PPP2R1B: variants seen among roughly 807,000 people sequenced by gnomAD.
PPP2R1B encodes the protein protein phosphatase 2 scaffold subunit Abeta.
In PPP2R1B, 58 loss-of-function variants were observed where a neutral mutation model predicts 72.7. The ratio of observed to expected loss-of-function variants is 0.80; its 90% CI spans 0.65 to 0.99. The LOEUF (loss-of-function observed/expected upper bound fraction) is 0.99. Ranked by LOEUF, PPP2R1B falls within the 50% of genes least tolerant of loss-of-function variation. The pLI is 0.00. For synonymous variants in PPP2R1B, 256 were observed against 264.6 expected (o/e 0.97, Z 0.32); for missense variants, 695 against 733.6 (o/e 0.95, Z 0.61).
the PPP2R1B span, among the ~76,000 whole-genome samples, chr11:111,715,699 C>T: frequency 1.6e-3 from 247 of 151,192 alleles, 2 homozygotes; most frequent in South Asian, 9.0e-3. Flanking sequence ...AGGGCAGATG[C>T]ATAAACCTTG....
In PPP2R1B at chr11:111,742,751, T is replaced by C. The variant is rs372024080; in HGVS notation, c.1555-86A>G. 7.7e-5 allele frequency: 96 copies of C among 1,249,414 alleles called. No homozygotes were observed. In the East Asian group the frequency reaches 1.4e-3, roughly 18 times the overall value. The allele number at this position is 1,249,414 out of a possible 1,614,324, so 77.4% of individuals were successfully genotyped here. A position where few individuals can be genotyped will look rare whatever the true frequency, so the allele number is the denominator to read the frequency against. ...AACAAATTAATATTTAATAAGAAAA[T>C]AATTGACCAATAGGAAAATATTTCT... On this transcript the variant is annotated intron_variant, in intron 12 of 14. Transcript: ENST00000527614.
At chr11:111,700,838 A>G in the PPP2R1B span, 4 of 1,605,638 alleles carry the variant, frequency 2.5e-6, no homozygotes, top group East Asian at 2.2e-5. Flanking sequence ...GAAATGCAGT[A>G]TAGTTTGAGA....
intron 3 of PPP2R1B, among the ~76,000 whole-genome samples, chr11:111,761,821 T>A (rs1470895098): frequency 7.9e-5 from 12 of 152,008 alleles, no homozygotes; most frequent in Non-Finnish European, 2.9e-5. Flanking sequence ...TAGCCAGACA[T>A]GGTGGCACAC....
chr11:111,725,960 G>A (rs1943951497), downstream of PPP2R1B: 1 of 152,232 alleles, frequency 6.6e-6, no homozygotes, highest in Admixed American at 6.5e-5. Context: ...GAAAATCCAG[G>A]AAGAATGAAT....
the PPP2R1B span, among the ~76,000 whole-genome samples, chr11:111,692,350 CAAAAAAAAAAAAAAAAAAAAAAA>C: frequency 1.5e-3 from 41 of 26,488 alleles, no homozygotes; most frequent in African/African-American, 2.7e-3. Flanking sequence ...GACTCAGTCT[CAAAAAAAAAAAAAAAAAAAAAAA>C]AAAAAAAAAA....
chr11:111,726,572 A>G (rs1006603713), downstream of PPP2R1B: 13 of 195,840 alleles, frequency 6.6e-5, no homozygotes, highest in Non-Finnish European at 6.3e-5. Flanking sequence ...CTCTGTATTG[A>G]CTGCAATGTA....
Position 111,741,381 on chromosome 11 carries a change from G to A in PPP2R1B, c.*215C>T, listed in dbSNP as rs988417373. On this transcript the variant is annotated 3_prime_UTR_variant, in exon 15 of 15. Transcript: ENST00000527614. ...GTGTCAGGAATTGGTCAATAAGAAC[G>A]GCTTAAATAATGATTTAACAAGGAA... The A allele has an allele frequency of 4.0e-5, 56 of 1,382,884 alleles. 1 individual carries two copies. Among genetic ancestry groups the A allele is most frequent in the Non-Finnish European group, 3.5e-5 (37 of 1,072,030 alleles). The allele number at this position is 1,382,884 out of a possible 1,614,324, so 85.7% of individuals were successfully genotyped here. A position where few individuals can be genotyped will look rare whatever the true frequency, so the allele number is the denominator to read the frequency against.
chr11:111,705,101 C>T, the PPP2R1B span: 2 of 1,604,324 alleles, frequency 1.2e-6, no homozygotes, highest in Non-Finnish European at 1.7e-6. This position sits in a 1 kb window ranked among gnomAD's most constrained non-coding sequence, Gnocchi z 4.3. Flanking sequence ...TGGCCGCCAG[C>T]GTCGGCCTAG....
intron 11 of PPP2R1B, among the ~76,000 whole-genome samples, chr11:111,743,931 T>A (rs942827989): frequency 6.6e-5 from 10 of 152,176 alleles, no homozygotes; most frequent in Admixed American, 2.6e-4. Context: ...CTGTGAGGGT[T>A]GTAGCAGTGC....
chr11:111,688,088 G>T, the PPP2R1B span: 6 of 1,613,998 alleles, frequency 3.7e-6, no homozygotes, highest in African/African-American at 6.7e-5. This position sits in a 1 kb window ranked among gnomAD's most constrained non-coding sequence, Gnocchi z 4.2. Flanking sequence ...TATTGTCATG[G>T]TCGGAAGATT....
At chr11:111,737,459 C>A, downstream of PPP2R1B, 1 of 1,614,268 alleles carries the variant, frequency 6.2e-7, no homozygotes, top group Non-Finnish European at 8.5e-7. Context: ...TTCCCCATGT[C>A]CTCTCCAGGC....
chr11:111,706,613 C>A, the PPP2R1B span, among the ~76,000 whole-genome samples: 1 of 152,124 alleles, frequency 6.6e-6, no homozygotes, highest in East Asian at 1.9e-4. Context: ...GGAATTAAAT[C>A]TTCTTGATTT....
Position 111,759,856 on chromosome 11 carries a change from C to G in PPP2R1B, c.635G>C (p.Ser212Thr). The change falls in exon 5 of 15, where the codon AGT becomes ACT. Residue 212 changes from serine to threonine, a missense_variant. By Grantham distance (58) the Ser-to-Thr change is moderately conservative (BLOSUM62 1). Transcript: ENST00000527614. ...GEFAKVLELD[S>T]VKSEIVPLFT... Reference sequence around the variant, plus strand: ...CAGTGGAACAATTTCACTTTTCACACTGTCTAATTCCAAAACTTTTGCAAA... The same window carrying G: ...CAGTGGAACAATTTCACTTTTCACAGTGTCTAATTCCAAAACTTTTGCAAA... 1.9e-6 allele frequency: 3 copies of G among 1,613,962 alleles called. No individual in the cohort carries two copies. Among genetic ancestry groups the G allele is most frequent in the Non-Finnish European group, 2.5e-6 (3 of 1,179,918 alleles).
chr11:111,745,926 A>G (rs1944688694), intron 11 of PPP2R1B, among the ~76,000 whole-genome samples: 2 of 152,250 alleles, frequency 1.3e-5, no homozygotes, highest in African/African-American at 4.8e-5. Context: ...GTGATTAAGT[A>G]CAAAACAATT....
the PPP2R1B span, among the ~76,000 whole-genome samples, chr11:111,710,918 A>G: frequency 6.6e-6 from 1 of 152,226 alleles, no homozygotes; most frequent in African/African-American, 2.4e-5. Flanking sequence ...ATAGCCGGAA[A>G]AATACAGGCT....
At chr11:111,691,754 A>G in the PPP2R1B span, among the ~76,000 whole-genome samples, 4 of 152,186 alleles carry the variant, frequency 2.6e-5, no homozygotes, top group Non-Finnish European at 5.9e-5. Flanking sequence ...ACTATCCTCA[A>G]AAATTTTAGT....
At chr11:111,688,262 C>G in the PPP2R1B span, 5 of 1,183,302 alleles carry the variant, frequency 4.2e-6, no homozygotes, top group Non-Finnish European at 6.1e-6. This position sits in a 1 kb window ranked among gnomAD's most constrained non-coding sequence, Gnocchi z 4.2. Flanking sequence ...GCATTTCTAC[C>G]TGATGACATC....
chr11:111,755,262 T>A, intron 6 of PPP2R1B, 33 bp downstream of exon 6: 1 of 1,575,318 alleles, frequency 6.3e-7, no homozygotes, highest in Non-Finnish European at 8.6e-7. Flanking sequence ...TTTTCAGGTT[T>A]ATTTCCTTAG....
chr11:111,733,677 A>G (rs1944260899), downstream of PPP2R1B, among the ~76,000 whole-genome samples: 1 of 152,170 alleles, frequency 6.6e-6, no homozygotes, highest in African/African-American at 2.4e-5. Context: ...TCCTCCAAGC[A>G]CGCCACACAT....
Sources: allele counts gnomAD v4.1 joint callset (sites outside exome capture counted in the v4.1 genomes callset), GRCh38; gene constraint gnomAD v4.1.1; non-coding constraint Gnocchi (gnomAD v3.1); transcripts MANE v1.5; gene names NCBI Gene and HGNC (gene_info 2026-07-23, HGNC 2026-07-21).